DNM3: variants seen among roughly 807,000 people sequenced by gnomAD.
DNM3 encodes the protein dynamin-3.
DNM3 carries 47 observed loss-of-function variants against 101.6 expected under a neutral mutation model. The ratio of observed to expected loss-of-function variants is 0.46; its 90% CI spans 0.37 to 0.59. The LOEUF (loss-of-function observed/expected upper bound fraction) is 0.59. DNM3 is among the 20% of genes least tolerant of loss of function. DNM3 has a pLI of 0.00. For synonymous variants in DNM3, 385 were observed against 387.9 expected (o/e 0.99, Z 0.09); for missense variants, 849 against 1,085.7 (o/e 0.78, Z 3.06).
chr1:172,399,403 C>T (rs2149107720), intron 20 of DNM3, among the ~76,000 whole-genome samples: 1 of 152,126 alleles, frequency 6.6e-6, no homozygotes, highest in African/African-American at 2.4e-5. Flanking sequence ...CTAGTCTTGC[C>T]CAGAAATCAT....
At chr1:172,391,853 C>T (rs1013302462) in intron 20 of DNM3, among the ~76,000 whole-genome samples, 2 of 152,180 alleles carry the variant, frequency 1.3e-5, no homozygotes, top group African/African-American at 4.8e-5. Flanking sequence ...AAGGCAATAA[C>T]TGAACTTTTA....
In DNM3 at chr1:172,244,747, A is replaced by C. The variant is rs1465983318; in HGVS notation, c.1660-8826A>C. ...TGTGGAGAAATAGGAACACTTTTACACTGTTGGTGGGACTGTAAACTAGTT... is the reference window on the plus strand; with the variant it reads ...TGTGGAGAAATAGGAACACTTTTACCCTGTTGGTGGGACTGTAAACTAGTT... On this transcript the variant is annotated intron_variant, in intron 14 of 20. Transcript: ENST00000627582. Among the ~76,000 whole-genome samples the C allele has an allele frequency of 4.6e-5, 7 of 152,234 alleles. No individual in the cohort carries two copies. In the East Asian group the frequency reaches 1.4e-3, roughly 29 times the overall value.
At chr1:172,291,803 C>T (rs1169593290) in intron 15 of DNM3, among the ~76,000 whole-genome samples, 1 of 152,104 alleles carries the variant, frequency 6.6e-6, no homozygotes, top group Non-Finnish European at 1.5e-5. Context: ...AATCTGGATA[C>T]AGGGTCTGAG....
At chr1:172,037,764 G>A (rs1010620619) in intron 6 of DNM3, among the ~76,000 whole-genome samples, 2 of 152,198 alleles carry the variant, frequency 1.3e-5, no homozygotes, top group African/African-American at 4.8e-5. Flanking sequence ...CAGTCATGGA[G>A]TTGCACTGGG....
chr1:172,095,804 A>G (rs1294025918), intron 13 of DNM3, among the ~76,000 whole-genome samples: 2 of 152,336 alleles, frequency 1.3e-5, no homozygotes, highest in African/African-American at 4.8e-5. Context: ...TGCTTTGTTT[A>G]TGTCTGCCTA....
intron 13 of DNM3, among the ~76,000 whole-genome samples, chr1:172,120,062 A>G (rs2056209011): frequency 6.6e-6 from 1 of 152,228 alleles, no homozygotes; most frequent in South Asian, 2.1e-4. Context: ...ACCCAGAGCT[A>G]GAAGAGAACT....
intron 14 of DNM3, among the ~76,000 whole-genome samples, chr1:172,216,944 A>G (rs1001494411): frequency 1.3e-5 from 2 of 152,180 alleles, no homozygotes; most frequent in African/African-American, 4.8e-5. Flanking sequence ...TGGAAATGAC[A>G]CTAAAATTTC....
At chr1:172,292,224 C>T (rs150253911) in intron 15 of DNM3, among the ~76,000 whole-genome samples, 133 of 152,254 alleles carry the variant, frequency 8.7e-4, no homozygotes, top group African/African-American at 3.0e-3. Context: ...TAATAAGCCT[C>T]AAGTTGATAT....
intron 14 of DNM3, among the ~76,000 whole-genome samples, chr1:172,168,066 G>A (rs1455590759): frequency 6.6e-6 from 1 of 151,984 alleles, no homozygotes; most frequent in Non-Finnish European, 1.5e-5. Flanking sequence ...ATTCATGGAT[G>A]TTATGCTATT....
chr1:171,922,154 T>TGCGC (rs1553300972), intron 2 of DNM3, among the ~76,000 whole-genome samples: 1 of 68,774 alleles, frequency 1.5e-5, no homozygotes, highest in African/African-American at 6.0e-5. Flanking sequence ...TGTGTGTGTG[T>TGCGC]GCGTATGTGT....
intron 15 of DNM3, among the ~76,000 whole-genome samples, chr1:172,291,868 G>A (rs1481035753): frequency 6.6e-6 from 1 of 152,146 alleles, no homozygotes; most frequent in Non-Finnish European, 1.5e-5. Context: ...ATAGGACTAT[G>A]ATGTTAGTCT....
At chr1:172,074,215 T>C (rs150069029) in intron 11 of DNM3, among the ~76,000 whole-genome samples, 2 of 152,164 alleles carry the variant, frequency 1.3e-5, no homozygotes, top group East Asian at 3.9e-4. Context: ...TAAGGCAGGG[T>C]AACACAATAG....
intron 1 of DNM3, among the ~76,000 whole-genome samples, chr1:171,908,606 T>C (rs6425478): frequency 6.6e-6 from 1 of 151,826 alleles, no homozygotes; most frequent in Non-Finnish European, 1.5e-5. Context: ...CAGTGAAGAA[T>C]AATATTCAAT....
chr1:172,047,873 G>T (rs2049929366), intron 9 of DNM3, among the ~76,000 whole-genome samples: 1 of 152,156 alleles, frequency 6.6e-6, no homozygotes, highest in Non-Finnish European at 1.5e-5. Context: ...CCTGGAGCCT[G>T]CCAGCCTTCA....
chr1:172,356,103 G>T (rs552490453), intron 17 of DNM3, among the ~76,000 whole-genome samples: 6 of 152,024 alleles, frequency 3.9e-5, no homozygotes, highest in Non-Finnish European at 7.4e-5. Context: ...CTAGTTAAAG[G>T]ATTATTTTAA....
At chr1:171,900,248 G>A (rs2038187842) in intron 1 of DNM3, among the ~76,000 whole-genome samples, 2 of 152,150 alleles carry the variant, frequency 1.3e-5, no homozygotes, top group Non-Finnish European at 2.9e-5. Flanking sequence ...TGCGTTTGGG[G>A]TACTTGTGAT....
At chr1:172,337,891 ATTTT>A (rs1424310094) in intron 17 of DNM3, among the ~76,000 whole-genome samples, 143 of 134,006 alleles carry the variant, frequency 1.1e-3, no homozygotes, top group African/African-American at 3.9e-3. Context: ...ATTTTATTTT[ATTTT>A]ATTTTATTTT....
intron 15 of DNM3, among the ~76,000 whole-genome samples, chr1:172,308,295 T>C (rs2064931475): frequency 6.6e-6 from 1 of 152,180 alleles, no homozygotes; most frequent in Non-Finnish European, 1.5e-5. Context: ...GCATCTGGCA[T>C]TGTCTTTTAG....
At chr1:172,260,116 A>AT (rs1315278336) in intron 15 of DNM3, among the ~76,000 whole-genome samples, 2 of 151,826 alleles carry the variant, frequency 1.3e-5, no homozygotes, top group Admixed American at 6.6e-5. Flanking sequence ...TGGCTAGCAC[A>AT]TTTTTTCTTT....
Sources: allele counts gnomAD v4.1 joint callset (sites outside exome capture counted in the v4.1 genomes callset), GRCh38; gene constraint gnomAD v4.1.1; transcripts MANE v1.5; gene names NCBI Gene and HGNC (gene_info 2026-07-23, HGNC 2026-07-21).